The following RAPGEF1 variants were observed in gnomAD, a reference collection of about 807,000 sequenced individuals.
RAPGEF1 encodes Rap guanine nucleotide exchange factor 1.
Under a neutral mutation model 143.3 loss-of-function variants are expected in RAPGEF1, and 33 were observed. The observed-to-expected ratio is 0.23, with a 90% CI of 0.17 to 0.31. RAPGEF1 has a LOEUF of 0.31. Among genes scored for constraint, RAPGEF1 ranks in the 10% least tolerant of loss-of-function variants. The pLI, the probability that RAPGEF1 is intolerant of heterozygous loss-of-function variation, is 1.00. For missense variants in RAPGEF1, 1,199 were observed against 1,645.4 expected (o/e 0.73, Z 4.69); for synonymous variants, 629 against 676.5 (o/e 0.93, Z 1.09).
Position 131,621,671 on chromosome 9 carries a change from C to T in RAPGEF1, c.1905+125G>A, listed in dbSNP as rs1463944939. 2.4e-5 allele frequency: 24 copies of T among 994,194 alleles called. 1 individual carries two copies. Among genetic ancestry groups the T allele is most frequent in the Middle Eastern group, 3.2e-4 (1 of 3,142 alleles). 61.6% of individuals were successfully genotyped at this position (994,194 alleles called of 1,614,324 possible). ...TCTGTGTGGGAGATGGTGCCTTCCA[C>T]GCCCAAAACCAGGGCCCTGCCACAG... On this transcript the variant is annotated intron_variant, in intron 11 of 26. Coordinates refer to ENST00000683357, the MANE Select transcript of RAPGEF1 (RefSeq NM_001377935.1). The surrounding 1 kb of genome is among the most constrained non-coding windows in gnomAD (Gnocchi z 4.5).
chr9:131,622,136 G>T, intron 10 of RAPGEF1, 138 bp from the exon 11 acceptor site: 4 of 786,972 alleles, frequency 5.1e-6, no homozygotes, highest in Non-Finnish European at 8.2e-6. Context: ...GGAGCACGGA[G>T]GACTTTTCGG....
chr9:131,597,160 G>A (rs1019652620), intron 16 of RAPGEF1, among the ~76,000 whole-genome samples: 2 of 152,182 alleles, frequency 1.3e-5, no homozygotes, highest in African/African-American at 2.4e-5. Context: ...CTGGAGGGAC[G>A]GAACCAGCCC....
intron 15 of RAPGEF1, among the ~76,000 whole-genome samples, chr9:131,599,420 CT>C (rs71374115): frequency 0.66 from 86,397 of 131,346 alleles, 27,766 homozygotes; most frequent in Admixed American, 0.7. Context: ...CGTGCCCAGT[CT>C]TTTTTTTTTT....
At chr9:131,610,757 G>A (rs747723665) in intron 12 of RAPGEF1, among the ~76,000 whole-genome samples, 2 of 152,220 alleles carry the variant, frequency 1.3e-5, no homozygotes, top group African/African-American at 4.8e-5. Context: ...GAGCCTCAAA[G>A]TGTGGGCCCT....
intron 21 of RAPGEF1, 33 bp from the exon 22 acceptor site, chr9:131,587,863 G>GC: frequency 6.2e-7 from 1 of 1,606,112 alleles, no homozygotes; most frequent in Non-Finnish European, 8.5e-7. Context: ...TGGAGGTGGA[G>GC]CCCCGGCTTT....
At chr9:131,653,893 G>A (rs761963903) in intron 1 of RAPGEF1, among the ~76,000 whole-genome samples, 21 of 152,358 alleles carry the variant, frequency 1.4e-4, no homozygotes, top group Middle Eastern at 3.4e-3. Flanking sequence ...GTCCATGTTT[G>A]TGAATGACTA....
At position 131,584,294 on chromosome 9, in the gene RAPGEF1, G is replaced by A. The variant is rs372233169; in HGVS notation, c.3414+17C>T. ...CCTTACCAGCCACCCTCCCGCCCAC[G>A]CCCCAAGGCCACTCACCTCTGAAGT... is the stretch of plus-strand genomic sequence containing the variant. On this transcript the variant is annotated intron_variant, in intron 24 of 26. Coordinates refer to ENST00000683357, the MANE Select transcript of RAPGEF1 (RefSeq NM_001377935.1). This position sits in a 1 kb window ranked among gnomAD's most constrained non-coding sequence, Gnocchi z 6.8. 57 of 1,550,962 alleles carry A rather than the reference G, an allele frequency of 3.7e-5. No homozygotes were observed. Among genetic ancestry groups the A allele is most frequent in the African/African-American group, 2.2e-4 (16 of 73,814 alleles).
intron 1 of RAPGEF1, among the ~76,000 whole-genome samples, chr9:131,730,663 C>A (rs1836993285): frequency 7.6e-6 from 1 of 130,864 alleles, no homozygotes; most frequent in African/African-American, 2.8e-5. Context: ...CCATTGCACT[C>A]CAGCCTGGGC....
chr9:131,628,232 T>A lies in RAPGEF1; in HGVS notation c.1018-136A>T. Reference sequence around the variant, plus strand: ...ACTCAGAAACCACCTCTGACGTCAGTAGTCGAAGGACACATACAGCTGAGA... The same window carrying A: ...ACTCAGAAACCACCTCTGACGTCAGAAGTCGAAGGACACATACAGCTGAGA... On this transcript the variant is annotated intron_variant, in intron 8 of 26. Coordinates refer to ENST00000683357, the MANE Select transcript of RAPGEF1 (RefSeq NM_001377935.1). This position sits in a 1 kb window ranked among gnomAD's most constrained non-coding sequence, Gnocchi z 5.7. 1.2e-6 allele frequency: 1 copy of A among 827,502 alleles called. No individual in the cohort carries two copies. The highest frequency in any genetic ancestry group is 1.8e-6 in the Non-Finnish European group (1 of 547,140). The allele number at this position is 827,502 out of a possible 1,614,324, so 51.3% of individuals were successfully genotyped here. A position where few individuals can be genotyped will look rare whatever the true frequency, so the allele number is the denominator to read the frequency against.
intron 1 of RAPGEF1, chr9:131,709,907 A>G: frequency 1.0e-6 from 1 of 985,436 alleles, no homozygotes; most frequent in Non-Finnish European, 1.2e-6. Flanking sequence ...ATCAGAAGAA[A>G]GGGCTTGTTA....
intron 5 of RAPGEF1, among the ~76,000 whole-genome samples, chr9:131,637,787 C>T (rs1436177589): frequency 1.3e-5 from 2 of 152,150 alleles, no homozygotes; most frequent in African/African-American, 4.8e-5. Flanking sequence ...CTGAGATGCA[C>T]GATGCTATTA....
intron 5 of RAPGEF1, among the ~76,000 whole-genome samples, chr9:131,634,713 CAAAAAAA>C (rs35405559): frequency 0.34 from 20,512 of 60,364 alleles, 1,088 homozygotes; most frequent in Middle Eastern, 0.43. Flanking sequence ...GACTCCGTCT[CAAAAAAA>C]AAAAAAAAAA....
rs2132108743 is a variant in RAPGEF1, at chr9:131,583,128, G to A, written c.3415-426C>T. ...TTTGCTCTGCCCTGTACTCAGGGAG[G>A]ACCAACTAAAGATAGCATGTGACCT... On this transcript the variant is annotated intron_variant, in intron 24 of 26. Transcript: ENST00000683357. This position sits in a 1 kb window ranked among gnomAD's most constrained non-coding sequence, Gnocchi z 4.7. 6.6e-6 allele frequency among the ~76,000 whole-genome samples: 1 copy of A among 152,262 alleles called. No individual in the cohort carries two copies. Among genetic ancestry groups the A allele is most frequent in the Non-Finnish European group, 1.5e-5 (1 of 68,004 alleles).
At chr9:131,609,652 G>A (rs1957700154) in intron 12 of RAPGEF1, among the ~76,000 whole-genome samples, 1 of 152,212 alleles carries the variant, frequency 6.6e-6, no homozygotes, top group Admixed American at 6.5e-5. Flanking sequence ...ACCCCTGAAA[G>A]CCACTGGGCC....
intron 5 of RAPGEF1, among the ~76,000 whole-genome samples, chr9:131,636,142 G>A (rs17148134): frequency 0.049 from 7,535 of 152,232 alleles, 541 homozygotes; most frequent in African/African-American, 0.16. Context: ...CCTTGGCAGC[G>A]CTATACCACA....
intron 12 of RAPGEF1, among the ~76,000 whole-genome samples, chr9:131,605,737 T>C (rs1166545752): frequency 1.3e-5 from 2 of 149,860 alleles, no homozygotes; most frequent in Admixed American, 6.8e-5. Flanking sequence ...TTTCTCTTCC[T>C]ACCCCATTTT....
chr9:131,693,841 C>T (rs950990024), intron 1 of RAPGEF1, among the ~76,000 whole-genome samples: 4 of 152,086 alleles, frequency 2.6e-5, no homozygotes, highest in African/African-American at 4.8e-5. Flanking sequence ...AAATACAAGG[C>T]AGCTTAAGAA....
At chr9:131,713,759 A>C (rs190354282) in intron 1 of RAPGEF1, among the ~76,000 whole-genome samples, 7 of 152,264 alleles carry the variant, frequency 4.6e-5, no homozygotes, top group African/African-American at 1.7e-4. Context: ...ACTGCACTCC[A>C]GTCTGGGCCA....
intron 19 of RAPGEF1, 108 bp downstream of exon 19, chr9:131,589,778 G>A (rs2132255635): frequency 9.7e-7 from 1 of 1,032,284 alleles, no homozygotes; most frequent in Non-Finnish European, 1.5e-6. Context: ...GACCAAGATA[G>A]AGCAGGCAAG....
Sources: gnomAD v4.1 joint callset for allele counts (sites outside exome capture counted in the v4.1 genomes callset) on GRCh38, gnomAD v4.1.1 for gene constraint, Gnocchi (gnomAD v3.1) non-coding constraint, MANE v1.5 for transcripts, NCBI Gene and HGNC (gene_info 2026-07-23, HGNC 2026-07-21) for gene names.